The following PAK1 variants were observed in gnomAD, a reference collection of about 807,000 sequenced individuals.
PAK1 encodes serine/threonine-protein kinase PAK 1.
PAK1 carries 29 observed loss-of-function variants against 67.4 expected under a neutral mutation model. The ratio of observed to expected loss-of-function variants is 0.43; its 90% CI spans 0.32 to 0.59. PAK1 has a LOEUF of 0.59. Ranked by LOEUF, PAK1 falls within the 20% of genes least tolerant of loss-of-function variation. The probability of loss-of-function intolerance (pLI) is 0.07; values close to 1 mark genes in which losing one functional copy is unlikely to be tolerated. For missense variants in PAK1, 337 were observed against 670.7 expected, an observed-to-expected ratio of 0.50 and a Z score of 5.50; for synonymous variants, 223 against 237.4, an observed-to-expected ratio of 0.94 and a Z score of 0.56.
At chr11:77,499,134 C>CCA in the PAK1 span, among the ~76,000 whole-genome samples, 1 of 106,608 alleles carries the variant, frequency 9.4e-6, no homozygotes, top group African/African-American at 5.9e-5. Flanking sequence ...CCACTCACTA[C>CCA]TAAAAAAAAA....
chr11:77,407,936 G>A (rs1953867916), intron 1 of PAK1, among the ~76,000 whole-genome samples: 1 of 152,158 alleles, frequency 6.6e-6, no homozygotes, highest in African/African-American at 2.4e-5. Flanking sequence ...GCAGTACCTA[G>A]AGTCTAGCCC....
At chr11:77,342,136 C>A (rs111816155) in intron 10 of PAK1, among the ~76,000 whole-genome samples, 4,631 of 152,264 alleles carry the variant, frequency 0.03, 123 homozygotes, top group African/African-American at 0.074. Flanking sequence ...GAGTTCCCCT[C>A]TGGGACATCT....
At chr11:77,513,404 C>T in the PAK1 span, among the ~76,000 whole-genome samples, 1 of 152,128 alleles carries the variant, frequency 6.6e-6, no homozygotes, top group African/African-American at 2.4e-5. Context: ...CATGGTGGCT[C>T]ATGCCTGTAA....
At chr11:77,352,666 C>T (rs1312246875) in intron 8 of PAK1, among the ~76,000 whole-genome samples, 1 of 152,090 alleles carries the variant, frequency 6.6e-6, no homozygotes, top group African/African-American at 2.4e-5. Context: ...TGTTAAGTGC[C>T]CTACATAAAT....
In PAK1 at chr11:77,453,357, GAA is replaced by G. The variant is rs562043778; in HGVS notation, c.-22+20193_-22+20194del. ...CGAAAAGAGCAAAACTCAGTCTCAG[GAA>G]AAAAAAAAATTTTTTTGGAAAAATT... On this transcript the variant is annotated intron_variant, in intron 1 of 14. Transcript: ENST00000356341. 8.8e-3 allele frequency among the ~76,000 whole-genome samples: 1,302 copies of G among 148,422 alleles called. 16 individuals are homozygous for G. The highest frequency in any genetic ancestry group is 0.035 in the Middle Eastern group (10 of 286).
At chr11:77,329,362 A>T (rs1591658904) in intron 14 of PAK1, 1 of 152,412 alleles carries the variant, frequency 6.6e-6, no homozygotes, top group East Asian at 1.9e-4. Context: ...ATCCTTGATG[A>T]ACATCGATGC....
intron 1 of PAK1, among the ~76,000 whole-genome samples, chr11:77,436,140 G>C (rs574415378): frequency 6.6e-6 from 1 of 152,282 alleles, no homozygotes; most frequent in East Asian, 1.9e-4. Flanking sequence ...AGGTGTTCAG[G>C]AGAAATAACA....
At chr11:77,518,864 C>T in the PAK1 span, among the ~76,000 whole-genome samples, 1 of 152,154 alleles carries the variant, frequency 6.6e-6, no homozygotes, top group African/African-American at 2.4e-5. Flanking sequence ...TTAATACAAA[C>T]AGTTTAAAAT....
the PAK1 span, among the ~76,000 whole-genome samples, chr11:77,507,527 T>G: frequency 1.3e-5 from 2 of 152,142 alleles, no homozygotes; most frequent in Non-Finnish European, 2.9e-5. Context: ...CAATATACTT[T>G]TTTTTTCTTT....
At chr11:77,459,505 G>C (rs73496875) in intron 1 of PAK1, among the ~76,000 whole-genome samples, 10,296 of 152,226 alleles carry the variant, frequency 0.068, 1,222 homozygotes, top group African/African-American at 0.24. Flanking sequence ...GCCTCACTGT[G>C]TTCCAAGCAT....
At chr11:77,502,423 T>TTATTTATCA in the PAK1 span, among the ~76,000 whole-genome samples, 1 of 152,206 alleles carries the variant, frequency 6.6e-6, no homozygotes, top group Non-Finnish European at 1.5e-5. Context: ...TATTTCCAAG[T>TTATTTATCA]TTTATGAATA....
At chr11:77,524,786 T>G in the PAK1 span, among the ~76,000 whole-genome samples, 1 of 152,202 alleles carries the variant, frequency 6.6e-6, no homozygotes, top group East Asian at 1.9e-4. Flanking sequence ...GAATTTTCAT[T>G]GTTTTGTTTT....
the PAK1 span, among the ~76,000 whole-genome samples, chr11:77,504,499 ATTC>A: frequency 7.9e-5 from 12 of 152,322 alleles, no homozygotes; most frequent in East Asian, 1.9e-3. Context: ...AAGTTTGAAT[ATTC>A]TTCTTTGACA....
At chr11:77,407,378 G>C (rs370209467) in intron 1 of PAK1, among the ~76,000 whole-genome samples, 8 of 152,140 alleles carry the variant, frequency 5.3e-5, no homozygotes, top group Admixed American at 2.0e-4. Context: ...TACTCACGGA[G>C]GATTGAGGTT....
chr11:77,456,012 T>C (rs747658058), intron 1 of PAK1: 3 of 152,156 alleles, frequency 2.0e-5, no homozygotes, highest in Non-Finnish European at 4.4e-5. Flanking sequence ...AGTAATAAGG[T>C]GTCTCTTGCC....
At chr11:77,388,222 C>A (rs1950689435) in intron 2 of PAK1, among the ~76,000 whole-genome samples, 1 of 152,120 alleles carries the variant, frequency 6.6e-6, no homozygotes, top group South Asian at 2.1e-4. Context: ...TAGATTTAGC[C>A]TAGGATTTTC....
chr11:77,379,742 C>T (rs753123984), intron 3 of PAK1, 152 bp downstream of exon 3: 27 of 620,488 alleles, frequency 4.4e-5, no homozygotes, highest in Non-Finnish European at 7.1e-5. Flanking sequence ...ACAATTTTGG[C>T]GATGAAAGTG....
At chr11:77,398,464 T>C (rs1304891577) in intron 1 of PAK1, among the ~76,000 whole-genome samples, 2 of 152,242 alleles carry the variant, frequency 1.3e-5, no homozygotes, top group African/African-American at 4.8e-5. Flanking sequence ...GGTGGCTGAA[T>C]AGTACTCCAT....
the PAK1 span, among the ~76,000 whole-genome samples, chr11:77,490,050 C>G: frequency 6.6e-6 from 1 of 151,202 alleles, no homozygotes; most frequent in African/African-American, 2.4e-5. Flanking sequence ...TGAGGAGCGT[C>G]TCTGCCCGGC....
Sources: gnomAD v4.1 joint callset for allele counts (sites outside exome capture counted in the v4.1 genomes callset) on GRCh38, gnomAD v4.1.1 for gene constraint, MANE v1.5 for transcripts, NCBI Gene and HGNC (gene_info 2026-07-23, HGNC 2026-07-21) for gene names.